Variants in KCNH7 observed in about 807,000 individuals in gnomAD.
KCNH7 encodes voltage-gated inwardly rectifying potassium channel KCNH7.
In KCNH7, 49 loss-of-function variants were observed where a neutral mutation model predicts 120.8. The ratio of observed to expected loss-of-function variants is 0.41; its 90% CI spans 0.32 to 0.51. The LOEUF (loss-of-function observed/expected upper bound fraction) is 0.51, where lower values mean the gene tolerates loss of function less well. KCNH7 is among the 20% of genes least tolerant of loss of function. The pLI is 0.38. For missense variants in KCNH7, 1,097 were observed against 1,446.6 expected, an observed-to-expected ratio of 0.76 and a Z score of 3.92; for synonymous variants, 547 against 516.1, an observed-to-expected ratio of 1.06 and a Z score of -0.81.
In KCNH7 at chr2:162,829,973, A is replaced by G. The variant is rs1021766358; in HGVS notation, c.307+6564T>C. On this transcript the variant is annotated intron_variant, in intron 2 of 15. Transcript: ENST00000332142. ...CCATATATCCTGGACACAGAAATTA[A>G]TAAGACTTGGTGTTTTCTCTGAATA... is the stretch of plus-strand genomic sequence containing the variant. Among the ~76,000 whole-genome samples the G allele has an allele frequency of 2.0e-5, 3 of 152,202 alleles. 1 individual carries two copies. The South Asian group carries it at 6.2e-4, about 31-fold the overall frequency.
rs369045653 is a variant in KCNH7, at chr2:162,589,958, G to T, written c.308-52878C>A. On this transcript the variant is annotated intron_variant, in intron 2 of 15. Coordinates refer to ENST00000332142, the MANE Select transcript of KCNH7 (RefSeq NM_033272.4). ...GGTAAGAACCGACATATTGAGGAAT[G>T]AACTTATGAAAATAAAATCCACAAA... Among the ~76,000 whole-genome samples the T allele has an allele frequency of 9.2e-5, 14 of 152,140 alleles. No homozygotes were observed. In the East Asian group the frequency reaches 2.3e-3, roughly 25 times the overall value.
chr2:162,414,841 G>A (rs1338682895), intron 9 of KCNH7, among the ~76,000 whole-genome samples: 1 of 151,904 alleles, frequency 6.6e-6, no homozygotes, highest in Non-Finnish European at 1.5e-5. Context: ...ATATGAGAAG[G>A]CAAATAACTT....
At chr2:162,617,117 G>A (rs938041922) in intron 2 of KCNH7, among the ~76,000 whole-genome samples, 4 of 152,168 alleles carry the variant, frequency 2.6e-5, no homozygotes, top group African/African-American at 9.6e-5. Context: ...CGTGATTAGA[G>A]TAGCCAAAGT....
chr2:162,371,605 A>G lies in KCNH7; in HGVS notation c.*224T>C, dbSNP rs1261511292. On this transcript the variant is annotated 3_prime_UTR_variant, in exon 16 of 16. Transcript: ENST00000332142. The stretch of plus-strand genomic sequence containing the variant: ...TAAAAATAAAAAATAAGGTGCCGTG[A>G]GATGCTGGCAGTTTTAACATTTGGA... 2.5e-6 allele frequency: 2 copies of G among 815,200 alleles called. No homozygotes were observed. The highest frequency in any genetic ancestry group is 3.6e-6 in the Non-Finnish European group (2 of 559,982). 50.5% of individuals were successfully genotyped at this position (815,200 alleles called of 1,614,324 possible). A position where few individuals can be genotyped will look rare whatever the true frequency, so the allele number is the denominator to read the frequency against.
chr2:162,504,377 A>G, intron 6 of KCNH7, 66 bp downstream of exon 6: 2 of 1,183,314 alleles, frequency 1.7e-6, no homozygotes. Context: ...AAGAAAAAGA[A>G]TATGTTTCAT....
At chr2:162,470,564 C>T (rs191682838) in intron 6 of KCNH7, among the ~76,000 whole-genome samples, 9,037 of 151,628 alleles carry the variant, frequency 0.06, 794 homozygotes, top group African/African-American at 0.2. Flanking sequence ...CCACCCCGTC[C>T]GGGAGGGAGG....
intron 2 of KCNH7, among the ~76,000 whole-genome samples, chr2:162,818,879 G>A (rs929152772): frequency 6.6e-6 from 1 of 152,018 alleles, no homozygotes; most frequent in African/African-American, 2.4e-5. Context: ...CCAATTATGG[G>A]GCAAACCAGC....
At chr2:162,528,452 T>A (rs1409857110) in intron 3 of KCNH7, 1 of 151,986 alleles carries the variant, frequency 6.6e-6, no homozygotes, top group Non-Finnish European at 1.5e-5. Flanking sequence ...GCTCCACAGA[T>A]GAAGAGTCCT....
intron 2 of KCNH7, among the ~76,000 whole-genome samples, chr2:162,769,624 T>C (rs529013001): frequency 6.6e-6 from 1 of 152,146 alleles, no homozygotes; most frequent in South Asian, 2.1e-4. Flanking sequence ...CTGAATTGTA[T>C]ATACTATAGC....
At chr2:162,745,819 T>C (rs1474795146) in intron 2 of KCNH7, among the ~76,000 whole-genome samples, 1 of 152,084 alleles carries the variant, frequency 6.6e-6, no homozygotes, top group African/African-American at 2.4e-5. Context: ...CTTAGATTTT[T>C]TTCCTTTAAA....
intron 7 of KCNH7, among the ~76,000 whole-genome samples, chr2:162,440,494 A>G (rs1336233104): frequency 6.6e-6 from 1 of 152,064 alleles, no homozygotes; most frequent in East Asian, 1.9e-4. Flanking sequence ...TATTTATCCA[A>G]TAAAGCTCAA....
At chr2:162,504,340 G>A in intron 6 of KCNH7, 103 bp downstream of exon 6, 2 of 826,276 alleles carry the variant, frequency 2.4e-6, no homozygotes, top group Non-Finnish European at 4.0e-6. Context: ...AAGAAAAAAT[G>A]TCTTACCTCT....
chr2:162,448,605 T>C (rs1688665703), intron 6 of KCNH7, among the ~76,000 whole-genome samples: 1 of 152,122 alleles, frequency 6.6e-6, no homozygotes, highest in African/African-American at 2.4e-5. Flanking sequence ...GCTCACTGCT[T>C]AGGTGACAAA....
At chr2:162,702,547 T>C (rs1013631416) in intron 2 of KCNH7, among the ~76,000 whole-genome samples, 1 of 152,208 alleles carries the variant, frequency 6.6e-6, no homozygotes, top group Non-Finnish European at 1.5e-5. Context: ...GCAACAATTA[T>C]CCCATGATAT....
rs77507833 is a variant in KCNH7 at position 162,473,690 on chromosome 2, C to A, written c.1129-27247G>T. Reference sequence around the variant, plus strand: ...GCTCTGTGGATACAGAAATAAAAGACTCCTTAGAAGAGGTCATATTCTAAT... The same window carrying A: ...GCTCTGTGGATACAGAAATAAAAGAATCCTTAGAAGAGGTCATATTCTAAT... On this transcript the variant is annotated intron_variant, in intron 6 of 15. Transcript: ENST00000332142. Among the ~76,000 whole-genome samples the A allele has an allele frequency of 3.8e-3, 586 of 152,248 alleles. 21 individuals carry two copies. In the East Asian group the frequency reaches 0.1, roughly 26 times the overall value.
intron 3 of KCNH7, among the ~76,000 whole-genome samples, chr2:162,535,714 A>G (rs995039245): frequency 6.6e-6 from 1 of 151,824 alleles, no homozygotes; most frequent in Admixed American, 6.6e-5. Flanking sequence ...TGGAAAATTA[A>G]TCAAAAAATA....
At chr2:162,673,600 G>T (rs962321966) in intron 2 of KCNH7, among the ~76,000 whole-genome samples, 3 of 152,050 alleles carry the variant, frequency 2.0e-5, no homozygotes, top group African/African-American at 7.2e-5. Flanking sequence ...TTTCTGCCAT[G>T]GGAATACAAT....
chr2:162,828,297 T>A (rs1469312571), intron 2 of KCNH7, among the ~76,000 whole-genome samples: 2 of 152,176 alleles, frequency 1.3e-5, no homozygotes, highest in African/African-American at 4.8e-5. Context: ...TATTTATTAC[T>A]TGTTCTTTGT....
Position 162,504,646 on chromosome 2 carries a change from G to A in KCNH7, c.925C>T (p.His309Tyr), listed in dbSNP as rs747263609. 6.2e-7 allele frequency: 1 copy of A among 1,607,498 alleles called. No homozygotes were observed. The highest frequency in any genetic ancestry group is 8.5e-7 in the Non-Finnish European group (1 of 1,174,986). ...NGRNVKGPFN[H>Y]IKSSLLGSTS... ...GATCCCAGGAGGCTTGACTTGATAT[G>A]ATTAAAAGGCCCTAAAAAAATGGAA... Residue 309 changes from histidine to tyrosine, a missense_variant, in exon 6 of 16, where the codon CAT becomes TAT. By Grantham distance (83) the His-to-Tyr change is moderately conservative (BLOSUM62 2). Coordinates refer to ENST00000332142, the MANE Select transcript of KCNH7 (RefSeq NM_033272.4).
Sources: gnomAD v4.1 joint callset for allele counts (sites outside exome capture counted in the v4.1 genomes callset) on GRCh38, gnomAD v4.1.1 for gene constraint, MANE v1.5 for transcripts, NCBI Gene and HGNC (gene_info 2026-07-23, HGNC 2026-07-21) for gene names.